TMEM217B: variants seen among roughly 807,000 people sequenced by gnomAD.
TMEM217B encodes transmembrane protein 217B.
chr6:37,235,444 C>T, the TMEM217B span, among the ~76,000 whole-genome samples: 3 of 152,132 alleles, frequency 2.0e-5, no homozygotes, highest in Non-Finnish European at 4.4e-5. Flanking sequence ...CGGCTCACTG[C>T]AAGCTCCGCC....
the TMEM217B span, among the ~76,000 whole-genome samples, chr6:37,234,102 C>CTT: frequency 2.3e-5 from 3 of 127,760 alleles, no homozygotes; most frequent in African/African-American, 5.8e-5. Flanking sequence ...TATTAAATGC[C>CTT]TTTTTTTTTT....
chr6:37,252,377 A>T, the TMEM217B span, among the ~76,000 whole-genome samples: 1 of 151,954 alleles, frequency 6.6e-6, no homozygotes, highest in Non-Finnish European at 1.5e-5. Context: ...TGCAAGAGAG[A>T]CCATATGGCT....
the TMEM217B span, chr6:37,218,238 C>G: frequency 7.5e-7 from 1 of 1,325,334 alleles, no homozygotes. Context: ...GGCGCAATCT[C>G]GGCTCACTGC....
chr6:37,217,226 G>A, the TMEM217B span, among the ~76,000 whole-genome samples: 41 of 152,218 alleles, frequency 2.7e-4, no homozygotes, highest in South Asian at 2.1e-4. Flanking sequence ...CCCGGGAGGC[G>A]GGGGTTGCAG....
At chr6:37,232,104 G>A in the TMEM217B span, among the ~76,000 whole-genome samples, 116,598 of 151,958 alleles carry the variant, frequency 0.77, 45,111 homozygotes, top group East Asian at 0.9. Context: ...CTTTTGTTGG[G>A]GGGGAGAGAG....
chr6:37,257,612 C>T, the TMEM217B span: 1 of 416,906 alleles, frequency 2.4e-6, no homozygotes, highest in East Asian at 4.5e-5. Context: ...CCCCGCCTCT[C>T]GGCTCGTCCA....
At chr6:37,215,300 C>T in the TMEM217B span, 4 of 1,607,862 alleles carry the variant, frequency 2.5e-6, no homozygotes, top group South Asian at 4.5e-5. Context: ...AATAAAAAAA[C>T]AAATGAATAA....
At chr6:37,249,524 C>G in the TMEM217B span, among the ~76,000 whole-genome samples, 1 of 152,046 alleles carries the variant, frequency 6.6e-6, no homozygotes, top group Non-Finnish European at 1.5e-5. Flanking sequence ...TTTCACCATG[C>G]TGGCCAAGCT....
chr6:37,252,097 T>G, the TMEM217B span, among the ~76,000 whole-genome samples: 2 of 152,246 alleles, frequency 1.3e-5, no homozygotes, highest in Non-Finnish European at 2.9e-5. Flanking sequence ...TTCTCCATGT[T>G]GGTCAGGCCG....
At chr6:37,212,884 T>C in the TMEM217B span, 1 of 1,515,340 alleles carries the variant, frequency 6.6e-7, no homozygotes, top group Non-Finnish European at 9.0e-7. Flanking sequence ...AATGTGTGTC[T>C]TCTGGTTCAG....
At chr6:37,251,247 G>A in the TMEM217B span, among the ~76,000 whole-genome samples, 1 of 151,842 alleles carries the variant, frequency 6.6e-6, no homozygotes, top group Admixed American at 6.6e-5. Flanking sequence ...GTTTGAGGGA[G>A]GCACATCTCA....
the TMEM217B span, among the ~76,000 whole-genome samples, chr6:37,252,303 C>A: frequency 2.0e-5 from 3 of 152,118 alleles, no homozygotes; most frequent in Non-Finnish European, 4.4e-5. Context: ...TATTATTACA[C>A]AGCCCCGAGA....
chr6:37,216,490 G>T, the TMEM217B span, among the ~76,000 whole-genome samples: 31 of 152,294 alleles, frequency 2.0e-4, no homozygotes, highest in African/African-American at 7.5e-4. Flanking sequence ...GAAATAAGGT[G>T]AAGTAAGGCA....
chr6:37,215,703 T>C, the TMEM217B span, among the ~76,000 whole-genome samples: 5 of 151,818 alleles, frequency 3.3e-5, no homozygotes, highest in South Asian at 2.1e-4. Flanking sequence ...TGAAAAATCA[T>C]TGGATGAGAA....
At chr6:37,255,082 G>A in the TMEM217B span, among the ~76,000 whole-genome samples, 2 of 152,152 alleles carry the variant, frequency 1.3e-5, no homozygotes, top group Admixed American at 6.5e-5. Flanking sequence ...CTGCTGTGCG[G>A]CCTGGTTCCT....
chr6:37,215,570 C>CGAAAAAAA, the TMEM217B span, among the ~76,000 whole-genome samples: 1 of 72,376 alleles, frequency 1.4e-5, no homozygotes, highest in African/African-American at 6.0e-5. Context: ...GACTCTGTCT[C>CGAAAAAAA]AAAAAAAAAA....
At chr6:37,242,321 C>T in the TMEM217B span, among the ~76,000 whole-genome samples, 2 of 152,332 alleles carry the variant, frequency 1.3e-5, no homozygotes, top group East Asian at 1.9e-4. Context: ...TCTATTCCCC[C>T]CAAGGGAAGG....
At chr6:37,242,233 C>T in the TMEM217B span, among the ~76,000 whole-genome samples, 2 of 152,158 alleles carry the variant, frequency 1.3e-5, no homozygotes, top group East Asian at 3.8e-4. Context: ...ACTCAGCTAA[C>T]CCATCAAACA....
the TMEM217B span, among the ~76,000 whole-genome samples, chr6:37,226,449 C>T: frequency 2.0e-5 from 3 of 151,432 alleles, no homozygotes; most frequent in Non-Finnish European, 4.4e-5. Flanking sequence ...CCTGCCACGG[C>T]GCCCAGCTAA....
Sources: allele counts gnomAD v4.1 joint callset (sites outside exome capture counted in the v4.1 genomes callset), GRCh38; gene constraint gnomAD v4.1.1; transcripts MANE v1.5; gene names NCBI Gene and HGNC (gene_info 2026-07-23, HGNC 2026-07-21).